The following WARS1 variants were observed in gnomAD, a reference collection of about 807,000 sequenced individuals.
WARS1 encodes tryptophan--tRNA ligase, cytoplasmic.
In WARS1, 17 loss-of-function variants were observed where a neutral mutation model predicts 47.8. The ratio of observed to expected loss-of-function variants is 0.36; its 90% CI spans 0.24 to 0.53. The LOEUF (loss-of-function observed/expected upper bound fraction) is 0.53. Ranked by LOEUF, WARS1 falls within the 20% of genes least tolerant of loss-of-function variation. The probability of loss-of-function intolerance (pLI) is 0.91; values close to 1 mark genes in which losing one functional copy is unlikely to be tolerated. For synonymous variants in WARS1, 208 were observed against 228.1 expected, an observed-to-expected ratio of 0.91 and a Z score of 0.79; for missense variants, 434 against 608.0, an observed-to-expected ratio of 0.71 and a Z score of 3.01.
intron 6 of WARS1, among the ~76,000 whole-genome samples, chr14:100,350,635 C>G (rs866446434): frequency 2.6e-5 from 4 of 152,180 alleles, no homozygotes; most frequent in Admixed American, 1.3e-4. Context: ...TAGGCACTTG[C>G]TCTTGTCTCA....
At chr14:100,349,293 A>C (rs1490709532) in intron 6 of WARS1, among the ~76,000 whole-genome samples, 1 of 151,910 alleles carries the variant, frequency 6.6e-6, no homozygotes, top group Non-Finnish European at 1.5e-5. Context: ...ACTTATTATC[A>C]CCTGATTGAT....
chr14:100,360,161 T>C (rs1270816295), intron 4 of WARS1, among the ~76,000 whole-genome samples: 1 of 152,176 alleles, frequency 6.6e-6, no homozygotes, highest in African/African-American at 2.4e-5. Flanking sequence ...AGCAAGTCAA[T>C]ACAATAGGAG....
intron 4 of WARS1, among the ~76,000 whole-genome samples, chr14:100,355,281 T>C (rs1450854857): frequency 6.6e-6 from 1 of 152,022 alleles, no homozygotes; most frequent in Non-Finnish European, 1.5e-5. Flanking sequence ...AGTGCAGTGG[T>C]GTGATCTCTG....
intron 7 of WARS1, among the ~76,000 whole-genome samples, chr14:100,343,705 C>G (rs1894329593): frequency 6.6e-6 from 1 of 151,846 alleles, no homozygotes; most frequent in Non-Finnish European, 1.5e-5. Context: ...GGCTCGATCT[C>G]AGCTCACCGC....
At chr14:100,362,711 G>A (rs928000173) in intron 2 of WARS1, among the ~76,000 whole-genome samples, 2 of 152,188 alleles carry the variant, frequency 1.3e-5, no homozygotes, top group African/African-American at 4.8e-5. Flanking sequence ...GGCCTTGCTG[G>A]ATTAGATCAC....
chr14:100,344,797 CGT>C (rs1894439084), intron 7 of WARS1, among the ~76,000 whole-genome samples: 1 of 150,966 alleles, frequency 6.6e-6, no homozygotes, highest in Admixed American at 6.6e-5. Flanking sequence ...AGGTGAGGAG[CGT>C]CTCTGCCCGG....
chr14:100,367,131 T>C (rs188540597), intron 2 of WARS1, among the ~76,000 whole-genome samples: 41 of 151,680 alleles, frequency 2.7e-4, no homozygotes, highest in African/African-American at 8.9e-4. Context: ...TCAGGGAGCA[T>C]ACATGCTCCT....
At chr14:100,342,987 G>A (rs1203256347) in intron 8 of WARS1, among the ~76,000 whole-genome samples, 2 of 152,132 alleles carry the variant, frequency 1.3e-5, no homozygotes, top group Non-Finnish European at 2.9e-5. Context: ...TCTGCCTCTG[G>A]GGTTCAAGCG....
chr14:100,351,306 T>C (rs1299915832), intron 6 of WARS1, among the ~76,000 whole-genome samples: 2 of 151,986 alleles, frequency 1.3e-5, no homozygotes, highest in African/African-American at 2.4e-5. Flanking sequence ...TTCAATCAGT[T>C]GAATCATTGT....
chr14:100,372,604 G>A (rs183969790), intron 1 of WARS1, among the ~76,000 whole-genome samples: 21 of 152,274 alleles, frequency 1.4e-4, no homozygotes, highest in African/African-American at 5.1e-4. Flanking sequence ...CAAATCAGTC[G>A]AAATCCATTT....
chr14:100,365,220 G>A (rs2140061690), intron 2 of WARS1, among the ~76,000 whole-genome samples: 1 of 152,180 alleles, frequency 6.6e-6, no homozygotes, highest in East Asian at 1.9e-4. Flanking sequence ...GGGAATGTGA[G>A]ATGGTTGACA....
At chr14:100,353,988 A>C in intron 5 of WARS1, 119 bp from the exon 6 acceptor site, 1 of 877,404 alleles carries the variant, frequency 1.1e-6, no homozygotes, top group Non-Finnish European at 1.7e-6. Context: ...TGCCTACAAA[A>C]TCACAATTTG....
chr14:100,372,200 G>C (rs971982634), intron 1 of WARS1, among the ~76,000 whole-genome samples: 85 of 152,016 alleles, frequency 5.6e-4, no homozygotes, highest in African/African-American at 1.9e-3. Context: ...CTGCAGCCAG[G>C]TGAAATAAAC....
At chr14:100,365,387 C>T (rs1895906852) in intron 2 of WARS1, 2 of 189,808 alleles carry the variant, frequency 1.1e-5, no homozygotes, top group Admixed American at 1.2e-4. Context: ...CAAGATTAGC[C>T]TGGCCAACAT....
chr14:100,354,156 G>A lies in WARS1; in HGVS notation c.543-287C>T, dbSNP rs1250649108. On this transcript the variant is annotated intron_variant, in intron 5 of 10. Coordinates refer to ENST00000392882, the MANE Select transcript of WARS1 (RefSeq NM_004184.4). ...GTATCTTCATTCTCATCTTGCAGAT[G>A]TGGAAACTTAGGCTCAGAGAAGTAG... The A allele has an allele frequency of 7.9e-6, 4 of 507,264 alleles. No homozygotes were observed. In the Admixed American group the frequency reaches 1.1e-4, roughly 13 times the overall value. The allele number at this position is 507,264 out of a possible 1,614,324, so 31.4% of individuals were successfully genotyped here.
chr14:100,370,298 C>A (rs1382643440), intron 1 of WARS1: 1 of 152,176 alleles, frequency 6.6e-6, no homozygotes, highest in Non-Finnish European at 1.5e-5. Context: ...TTTCTTGGCT[C>A]AATCACTTCC....
intron 2 of WARS1, chr14:100,365,492 A>G: frequency 3.7e-6 from 1 of 267,010 alleles, no homozygotes. Flanking sequence ...GGGCAGGAGA[A>G]TCGCTCGAAC....
Position 100,354,898 on chromosome 14 carries a change from G to A in WARS1, c.423-332C>T, listed in dbSNP as rs183022591. On this transcript the variant is annotated intron_variant, in intron 4 of 10. Coordinates refer to ENST00000392882, the MANE Select transcript of WARS1 (RefSeq NM_004184.4). ...TTGGTACACTTCCCTGGGGATACCAGGCCAACACCATATGATCCTTGCTCA... is the reference window on the plus strand; with the variant it reads ...TTGGTACACTTCCCTGGGGATACCAAGCCAACACCATATGATCCTTGCTCA... 9.9e-5 allele frequency among the ~76,000 whole-genome samples: 15 copies of A among 152,254 alleles called. No individual in the cohort carries two copies. In the East Asian group the frequency reaches 2.7e-3, roughly 27 times the overall value.
chr14:100,356,651 C>A (rs547125274), intron 4 of WARS1, among the ~76,000 whole-genome samples: 1 of 152,060 alleles, frequency 6.6e-6, no homozygotes, highest in South Asian at 2.1e-4. Context: ...AATTAGTAAT[C>A]AAAAAACTTC....
Sources: allele counts gnomAD v4.1 joint callset (sites outside exome capture counted in the v4.1 genomes callset), GRCh38; gene constraint gnomAD v4.1.1; transcripts MANE v1.5; gene names NCBI Gene and HGNC (gene_info 2026-07-23, HGNC 2026-07-21).